The following P3H2 variants were observed in gnomAD, a reference collection of about 807,000 sequenced individuals.
P3H2 encodes prolyl 3-hydroxylase 2, also known as leprecan-like 1.
Under a neutral mutation model 87.0 loss-of-function variants are expected in P3H2, and 80 were observed. The ratio of observed to expected loss-of-function variants is 0.92; its 90% confidence interval spans 0.77 to 1.11. The LOEUF is 1.11. Ranked by LOEUF, P3H2 falls within the 50% of genes least tolerant of loss-of-function variation. P3H2 has a pLI of 0.00. For synonymous variants in P3H2, 367 were observed against 359.3 expected (o/e 1.02, Z -0.24); for missense variants, 1,001 against 923.9 (o/e 1.08, Z -1.08).
chr3:189,973,996 C>T lies in P3H2; in HGVS notation c.1461G>A (p.Met487Ile), dbSNP rs1420688533. 4.3e-6 allele frequency: 7 copies of T among 1,613,344 alleles called. No homozygotes were observed. Among genetic ancestry groups the T allele is most frequent in the Non-Finnish European group, 5.9e-6 (7 of 1,179,282 alleles). The change falls in exon 10 of 15, where the codon ATG becomes ATA. Residue 487 changes from methionine to isoleucine, a missense_variant. By Grantham distance (10) the Met-to-Ile change is conservative. Coordinates refer to ENST00000319332, the MANE Select transcript of P3H2 (RefSeq NM_018192.4). ...RELHSVASGIMLVGDGYRGKT... is the reference protein window; with the variant it reads ...RELHSVASGIILVGDGYRGKT... ...TTCCTCTGTATCCATCACCAACAAGCATGATTCCCTGGAAGCAAATACAAG... is the reference window on the plus strand; with the variant it reads ...TTCCTCTGTATCCATCACCAACAAGTATGATTCCCTGGAAGCAAATACAAG...
intron 1 of P3H2, among the ~76,000 whole-genome samples, chr3:190,026,922 A>C (rs1453805256): frequency 1.3e-5 from 2 of 152,246 alleles, no homozygotes; most frequent in Non-Finnish European, 2.9e-5. Context: ...TGCTGGGTGT[A>C]TGAAGCTATA....
intron 1 of P3H2, among the ~76,000 whole-genome samples, chr3:190,116,942 G>A (rs1712311720): frequency 1.4e-5 from 2 of 141,066 alleles, no homozygotes; most frequent in Admixed American, 1.3e-4. Context: ...GAAAGATGTA[G>A]TGAGTATCTG....
intron 1 of P3H2, among the ~76,000 whole-genome samples, chr3:190,056,804 G>A (rs12498005): frequency 0.059 from 8,959 of 152,244 alleles, 364 homozygotes; most frequent in Admixed American, 0.087. Context: ...AAAAGCACAC[G>A]CAGCTGCTCT....
chr3:190,083,536 G>A (rs1727119170), intron 1 of P3H2, among the ~76,000 whole-genome samples: 3 of 152,190 alleles, frequency 2.0e-5, no homozygotes, highest in Admixed American at 2.0e-4. Context: ...AAATAAGGGG[G>A]TAGAAATTAC....
chr3:189,958,052 G>C, intron 14 of P3H2, 48 bp from the exon 15 acceptor site: 2 of 1,387,432 alleles, frequency 1.4e-6, no homozygotes, highest in Non-Finnish European at 2.1e-6. Flanking sequence ...ATAATAATCA[G>C]TCTCATCAGC....
chr3:189,973,511 C>CTTTTTTTTTTT (rs869099221), intron 10 of P3H2, among the ~76,000 whole-genome samples: 8 of 35,458 alleles, frequency 2.3e-4, no homozygotes, highest in African/African-American at 3.9e-4. Flanking sequence ...TTCTTTCTTT[C>CTTTTTTTTTTT]TTTTTTTTTT....
chr3:189,983,006 C>T, intron 8 of P3H2, 40 bp downstream of exon 8: 1 of 1,473,286 alleles, frequency 6.8e-7, no homozygotes, highest in Non-Finnish European at 9.5e-7. Context: ...CCATCTTCCC[C>T]TTCCCCTCCT....
chr3:190,121,598 G>A (rs1015422412), upstream of P3H2: 1 of 152,318 alleles, frequency 6.6e-6, no homozygotes, highest in African/African-American at 2.4e-5. Context: ...TGGGCCAGGG[G>A]AAGAACAATA....
Position 189,984,668 on chromosome 3 carries a change from A to T in P3H2, c.1189-78T>A, listed in dbSNP as rs1448377112. ...CACTTACAGAATTAAGATAAAATAA[A>T]ATATGCACAAAACATTCAAAAGATC... is the stretch of plus-strand genomic sequence containing the variant. On this transcript the variant is annotated intron_variant, in intron 6 of 14. Transcript: ENST00000319332. 9 of 981,424 alleles carry T rather than the reference A, an allele frequency of 9.2e-6. No individual in the cohort carries two copies. The Admixed American group carries it at 1.0e-4, about 11-fold the overall frequency. The allele number at this position is 981,424 out of a possible 1,614,324, so 60.8% of individuals were successfully genotyped here. A position where few individuals can be genotyped will look rare whatever the true frequency, so the allele number is the denominator to read the frequency against.
At chr3:190,020,769 G>A (rs1233389676) in intron 1 of P3H2, among the ~76,000 whole-genome samples, 1 of 133,950 alleles carries the variant, frequency 7.5e-6, no homozygotes, top group Non-Finnish European at 1.7e-5. Flanking sequence ...CTGCTGAAGT[G>A]CTTGAAGCCT....
Position 190,120,815 on chromosome 3 carries a change from C to G in P3H2, c.-84G>C. 1 of 1,467,814 alleles carries G rather than the reference C, an allele frequency of 6.8e-7. No homozygotes were observed. Among genetic ancestry groups the G allele is most frequent in the Non-Finnish European group, 9.0e-7 (1 of 1,113,078 alleles). 90.9% of individuals were successfully genotyped at this position (1,467,814 alleles called of 1,614,324 possible). A position where few individuals can be genotyped will look rare whatever the true frequency, so the allele number is the denominator to read the frequency against. On this transcript the variant is annotated 5_prime_UTR_variant, in exon 1 of 15. Transcript: ENST00000319332. The stretch of plus-strand genomic sequence containing the variant: ...GTCCGGGTCCCCTCTCCCACCTTCC[C>G]TCGGGGAAGCGCGCCGACTCCGCCG...
At chr3:190,043,656 C>G (rs1446875187) in intron 1 of P3H2, among the ~76,000 whole-genome samples, 1 of 152,220 alleles carries the variant, frequency 6.6e-6, no homozygotes, top group South Asian at 2.1e-4. Context: ...TCACTACACT[C>G]AAACTAACAC....
rs565063475 is a variant in P3H2, at chr3:189,989,497, A to G, written c.824-459T>C. 2.0e-5 allele frequency among the ~76,000 whole-genome samples: 3 copies of G among 152,328 alleles called. No individual in the cohort carries two copies. In the East Asian group the frequency reaches 5.8e-4, roughly 29 times the overall value. ...TTTGGAAAAAGAAACCACCATGGGC[A>G]TGGAAAATTCAGGCTGAGAAGTGAA... On this transcript the variant is annotated intron_variant, in intron 3 of 14. Transcript: ENST00000319332.
At chr3:190,018,512 A>G (rs1724839319) in intron 1 of P3H2, among the ~76,000 whole-genome samples, 2 of 152,072 alleles carry the variant, frequency 1.3e-5, no homozygotes, top group African/African-American at 2.4e-5. Flanking sequence ...GTTTGAGACC[A>G]GCTTGGGCAA....
At chr3:189,970,696 TA>T (rs1723151316) in intron 13 of P3H2, 119 bp downstream of exon 13, 2 of 696,256 alleles carry the variant, frequency 2.9e-6, no homozygotes, top group African/African-American at 3.5e-5. Flanking sequence ...GAAACTCTCT[TA>T]ACCTCTTGAA....
Position 190,120,195 on chromosome 3 carries a change from CAA to C in P3H2, c.480+55_480+56del. On this transcript the variant is annotated intron_variant, in intron 1 of 14. Coordinates refer to ENST00000319332, the MANE Select transcript of P3H2 (RefSeq NM_018192.4). ...GATGACGGGGGCAGCAGGGAGGGCT[CAA>C]GAGAGCGTGTGAGAGCCGCAGGGGC... 2.5e-6 allele frequency: 4 copies of C among 1,578,652 alleles called. No homozygotes were observed. The Admixed American group carries it at 7.2e-5, about 29-fold the overall frequency.
At chr3:189,987,697 G>T in intron 4 of P3H2, 28 bp from the exon 5 acceptor site, 1 of 1,613,814 alleles carries the variant, frequency 6.2e-7, no homozygotes, top group Non-Finnish European at 8.5e-7. Context: ...TGCAGCATTA[G>T]AGTCAGCCTA....
intron 1 of P3H2, among the ~76,000 whole-genome samples, chr3:190,095,335 TA>T (rs1356242658): frequency 1.5e-5 from 2 of 134,110 alleles, no homozygotes; most frequent in Non-Finnish European, 3.2e-5. Flanking sequence ...TATATATATA[TA>T]TATATATATA....
Position 190,120,766 on chromosome 3 carries a change from C to T in P3H2, c.-35G>A. On this transcript the variant is annotated 5_prime_UTR_variant, in exon 1 of 15. Coordinates refer to ENST00000319332, the MANE Select transcript of P3H2 (RefSeq NM_018192.4). ...CAGAGAGGCGCGGGACGGTTACGCT[C>T]GAGAGGGCTTCGGGGCACCTCGCGT... 6.6e-7 allele frequency: 1 copy of T among 1,512,892 alleles called. No individual in the cohort carries two copies. Among genetic ancestry groups the T allele is most frequent in the Admixed American group, 2.0e-5 (1 of 49,124 alleles). 93.7% of individuals were successfully genotyped at this position (1,512,892 alleles called of 1,614,324 possible).
Sources: gnomAD v4.1 joint callset for allele counts (sites outside exome capture counted in the v4.1 genomes callset) on GRCh38, gnomAD v4.1.1 for gene constraint, MANE v1.5 for transcripts, NCBI Gene and HGNC (gene_info 2026-07-23, HGNC 2026-07-21) for gene names.